Variants in GNRHR observed in about 807,000 individuals in gnomAD.
The protein encoded by GNRHR is gonadotropin releasing hormone receptor, also known as gonadotropin-releasing hormone receptor.
Under a neutral mutation model 28.1 loss-of-function variants are expected in GNRHR, and 14 were observed. The observed-to-expected ratio is 0.50, with a 90% CI of 0.33 to 0.78. GNRHR has a LOEUF of 0.78. GNRHR is among the 30% of genes least tolerant of loss of function. The probability of loss-of-function intolerance (pLI) is 0.02; values close to 1 mark genes in which losing one functional copy is unlikely to be tolerated. For synonymous variants in GNRHR, 141 were observed against 140.5 expected (o/e 1.00, Z -0.02); for missense variants, 366 against 382.1 (o/e 0.96, Z 0.35).
chr4:67,753,615 G>C, intron 1 of GNRHR, 199 bp downstream of exon 1: 3 of 597,688 alleles, frequency 5.0e-6, no homozygotes, highest in Non-Finnish European at 8.9e-6. Flanking sequence ...CATTTTATCG[G>C]TAAAGGAACT....
At chr4:67,740,931 T>G (rs1560516511) in intron 2 of GNRHR, among the ~76,000 whole-genome samples, 1 of 152,214 alleles carries the variant, frequency 6.6e-6, no homozygotes, top group South Asian at 2.1e-4. Flanking sequence ...TTGAAGATGA[T>G]AGTGCTCTTA....
intron 1 of GNRHR, among the ~76,000 whole-genome samples, 169 bp from the exon 2 acceptor site, chr4:67,744,956 T>G (rs1731729015): frequency 6.6e-6 from 1 of 152,200 alleles, no homozygotes; most frequent in Admixed American, 6.5e-5. Context: ...TTACTTAAAA[T>G]ATGTTTGGGT....
At chr4:67,750,552 G>A (rs936241368) in intron 1 of GNRHR, among the ~76,000 whole-genome samples, 2 of 152,114 alleles carry the variant, frequency 1.3e-5, no homozygotes, top group East Asian at 3.8e-4. Context: ...AGAATGCACT[G>A]CCGAATTATC....
At chr4:67,751,395 A>G (rs1577871713) in intron 1 of GNRHR, among the ~76,000 whole-genome samples, 2 of 152,228 alleles carry the variant, frequency 1.3e-5, no homozygotes, top group African/African-American at 4.8e-5. Flanking sequence ...GAGGTTATTC[A>G]GGAAACTTCA....
chr4:67,753,594 C>A (rs1191636891), intron 1 of GNRHR: 10 of 581,982 alleles, frequency 1.7e-5, no homozygotes, highest in African/African-American at 1.7e-4. Context: ...TAAGCATTAA[C>A]CCCCATGTTA....
Position 67,739,100 on chromosome 4 carries a change from T to G in GNRHR, c.*1380A>C, listed in dbSNP as rs1375368368. ...AATGGTATCTTACCTATTTAAAAAATGTTAAATGGCTTAATTTCTTTTAAG... is the reference window on the plus strand; with the variant it reads ...AATGGTATCTTACCTATTTAAAAAAGGTTAAATGGCTTAATTTCTTTTAAG... On this transcript the variant is annotated 3_prime_UTR_variant, in exon 3 of 3. Transcript: ENST00000226413. 6.6e-6 allele frequency among the ~76,000 whole-genome samples: 1 copy of G among 151,994 alleles called. No homozygotes were observed. Among genetic ancestry groups the G allele is most frequent in the Non-Finnish European group, 1.5e-5 (1 of 67,892 alleles).
chr4:67,749,748 A>G (rs1731833669), intron 1 of GNRHR, among the ~76,000 whole-genome samples: 1 of 148,846 alleles, frequency 6.7e-6, no homozygotes, highest in South Asian at 2.1e-4. Context: ...ACTTTTATAT[A>G]CGATACCTCC....
At chr4:67,740,767 C>G (rs1293896391) in intron 2 of GNRHR, 43 bp from the exon 3 acceptor site, 1 of 1,534,064 alleles carries the variant, frequency 6.5e-7, no homozygotes, top group South Asian at 1.1e-5. Flanking sequence ...GATCAGTTTT[C>G]TTACAAAACC....
chr4:67,754,350 G>A lies in GNRHR; in HGVS notation c.-15C>T. On this transcript the variant is annotated 5_prime_UTR_variant, in exon 1 of 3. Coordinates refer to ENST00000226413, the MANE Select transcript of GNRHR (RefSeq NM_000406.3). ...CTGTTTGCCATATTTTCCCAGGACAGAGCTTCAAGCCTTGTGTCTCTGGTG... is the reference window on the plus strand; with the variant it reads ...CTGTTTGCCATATTTTCCCAGGACAAAGCTTCAAGCCTTGTGTCTCTGGTG... 1 of 1,603,434 alleles carries A rather than the reference G, an allele frequency of 6.2e-7. No individual in the cohort carries two copies. The highest frequency in any genetic ancestry group is 8.5e-7 in the Non-Finnish European group (1 of 1,175,784).
In GNRHR at chr4:67,740,660, C is replaced by T. The variant is rs542566291; in HGVS notation, c.807G>A (p.Thr269=). ...CAGTAAATGAAGTGGCAAATGCAAC[C>T]GTCATTTTTAGAGTCTTCAGCCGTG... The part of the protein sequence containing the change: ...PRARLKTLKM[T]VAFATSFTVC... The change falls in exon 3 of 3, where the codon ACG becomes ACA. Residue 269 remains threonine, a synonymous_variant. Transcript: ENST00000226413. The T allele has an allele frequency of 7.9e-5, 127 of 1,606,974 alleles. 3 individuals are homozygous for T. In the South Asian group the frequency reaches 1.1e-3, roughly 14 times the overall value.
rs1459293684 is a variant in GNRHR, at chr4:67,754,243, C to A, written c.93G>T (p.Leu31=). The A allele has an allele frequency of 6.2e-7, 1 of 1,613,962 alleles. No homozygotes were observed. The highest frequency in any genetic ancestry group is 8.5e-7 in the Non-Finnish European group (1 of 1,179,878). ...TCACTCGGATCTTTCCAGACAAGGT[C>A]AGAGTGGGGAGGTTGCCCTGCATCA... is the stretch of plus-strand genomic sequence containing the variant. ...IPLMQGNLPT[L]TLSGKIRVTV... Residue 31 remains leucine (L), a synonymous_variant, in exon 1 of 3, where the codon CTG becomes CTT. Coordinates refer to ENST00000226413, the MANE Select transcript of GNRHR (RefSeq NM_000406.3).
intron 2 of GNRHR, 36 bp from the exon 3 acceptor site, chr4:67,740,760 C>A: frequency 6.3e-7 from 1 of 1,590,144 alleles, no homozygotes; most frequent in Non-Finnish European, 8.6e-7. Context: ...GTTTAAAGAT[C>A]AGTTTTCTTA....
chr4:67,743,149 A>G (rs1731691839), intron 2 of GNRHR, among the ~76,000 whole-genome samples: 1 of 151,902 alleles, frequency 6.6e-6, no homozygotes, highest in Admixed American at 6.6e-5. Flanking sequence ...GACAGGTTTC[A>G]TCGTCTTGGT....
Position 67,753,804 on chromosome 4 carries a change from A to G in GNRHR, c.522+10T>C. On this transcript the variant is annotated intron_variant, in intron 1 of 2. Coordinates refer to ENST00000226413, the MANE Select transcript of GNRHR (RefSeq NM_000406.3). Reference sequence around the variant, plus strand: ...ACCATATCCAAATAAGTTTGTGTATAATGGCTTACCTGTGGTCCTGCAAAG... The same window carrying G: ...ACCATATCCAAATAAGTTTGTGTATGATGGCTTACCTGTGGTCCTGCAAAG... 1 of 1,606,942 alleles carries G rather than the reference A, an allele frequency of 6.2e-7. No homozygotes were observed. The highest frequency in any genetic ancestry group is 8.5e-7 in the Non-Finnish European group (1 of 1,174,448).
chr4:67,748,357 G>C (rs768261715), intron 1 of GNRHR, among the ~76,000 whole-genome samples: 1 of 152,000 alleles, frequency 6.6e-6, no homozygotes, highest in Admixed American at 6.6e-5. Context: ...AAAGCACCTG[G>C]AATAGTGCCT....
intron 2 of GNRHR, among the ~76,000 whole-genome samples, chr4:67,741,163 C>T (rs940163859): frequency 3.3e-5 from 5 of 151,778 alleles, no homozygotes; most frequent in Admixed American, 2.0e-4. Context: ...GAGCAGTGTA[C>T]GCTGTACCAA....
At chr4:67,752,473 A>T (rs10031252) in intron 1 of GNRHR, among the ~76,000 whole-genome samples, 72,906 of 151,518 alleles carry the variant, frequency 0.48, 18,091 homozygotes, top group Middle Eastern at 0.71. Context: ...TCCTCCCACC[A>T]CAACCTCCCT....
intron 2 of GNRHR, among the ~76,000 whole-genome samples, chr4:67,741,077 T>G (rs921243943): frequency 6.6e-6 from 1 of 152,084 alleles, no homozygotes; most frequent in Non-Finnish European, 1.5e-5. Flanking sequence ...TAGGTTTTTT[T>G]GGGGACTGAT....
intron 1 of GNRHR, among the ~76,000 whole-genome samples, chr4:67,749,255 C>A (rs1731823104): frequency 6.6e-6 from 1 of 152,148 alleles, no homozygotes; most frequent in South Asian, 2.1e-4. Context: ...CTCCACACAT[C>A]TTCAGACAAC....
Sources: allele counts gnomAD v4.1 joint callset (sites outside exome capture counted in the v4.1 genomes callset), GRCh38; gene constraint gnomAD v4.1.1; transcripts MANE v1.5; gene names NCBI Gene and HGNC (gene_info 2026-07-23, HGNC 2026-07-21).